EDRF1: variants seen among roughly 807,000 people sequenced by gnomAD.
EDRF1 encodes the protein erythroid differentiation regulatory factor 1, also known as erythroid differentiation-related factor 1.
In EDRF1, 69 loss-of-function variants were observed where a neutral mutation model predicts 148.7. That is an observed-to-expected ratio of 0.46 (90% CI 0.38 to 0.57). The LOEUF is 0.57. Ranked by LOEUF, EDRF1 falls within the 20% of genes least tolerant of loss-of-function variation. The pLI, the probability that EDRF1 is intolerant of heterozygous loss-of-function variation, is 0.00. For missense variants in EDRF1, 1,118 were observed against 1,478.7 expected, an observed-to-expected ratio of 0.76 and a Z score of 4.00; for synonymous variants, 515 against 532.8, an observed-to-expected ratio of 0.97 and a Z score of 0.46.
intron 3 of EDRF1, 73 bp downstream of exon 3, chr10:125,723,207 T>C (rs1380485764): frequency 3.1e-6 from 4 of 1,304,706 alleles, no homozygotes; most frequent in Non-Finnish European, 4.5e-6. Context: ...TGCTGTGTTT[T>C]GCATAATATA....
At chr10:125,740,952 A>AT in intron 16 of EDRF1, 49 bp from the exon 17 acceptor site, 1 of 1,568,610 alleles carries the variant, frequency 6.4e-7, no homozygotes, top group Non-Finnish European at 8.8e-7. Flanking sequence ...ATGATCATTA[A>AT]TTTTTTTCTG....
rs2133673892 is a variant in EDRF1 at position 125,725,749 on chromosome 10, G to A, written c.703G>A (p.Asp235Asn). 2 of 1,614,120 alleles carry A rather than the reference G, an allele frequency of 1.2e-6. No homozygotes were observed. The highest frequency in any genetic ancestry group is 2.2e-5 in the South Asian group (2 of 91,068). Residue 235 changes from aspartate to asparagine, a missense_variant, in exon 6 of 25, where the codon GAT becomes AAT. Asp to Asn is a conservative substitution (Grantham distance 23). Transcript: ENST00000356792. ...TAEQQESSSS[D>N]QTNDSEGASW... ...AGAACAGCAGGAATCGTCCAGTTCAGATCAGACAAATGATTCGGAAGGGGC... is the reference window on the plus strand; with the variant it reads ...AGAACAGCAGGAATCGTCCAGTTCAAATCAGACAAATGATTCGGAAGGGGC...
intron 22 of EDRF1, among the ~76,000 whole-genome samples, chr10:125,750,896 A>G (rs931136360): frequency 2.0e-5 from 3 of 152,170 alleles, no homozygotes; most frequent in African/African-American, 7.2e-5. Context: ...ATATTCTGCC[A>G]TGTTTGAATT....
intron 23 of EDRF1, 109 bp from the exon 24 acceptor site, chr10:125,753,585 T>TAGGGTTAAA: frequency 2.5e-6 from 3 of 1,221,666 alleles, no homozygotes; most frequent in Non-Finnish European, 3.6e-6. Context: ...TTGTCTTGTT[T>TAGGGTTAAA]AGGGTTAAAA....
At chr10:125,729,185 A>G in intron 7 of EDRF1, 81 bp downstream of exon 7, 2 of 1,475,224 alleles carry the variant, frequency 1.4e-6, no homozygotes, top group Non-Finnish European at 1.8e-6. Context: ...GTCGAAATTG[A>G]TAGGGAAAAA....
Position 125,763,596 on chromosome 10 carries a change from AAC to A in EDRF1, c.*128_*129del, listed in dbSNP as rs139414986. 2.6e-4 allele frequency: 294 copies of A among 1,120,124 alleles called. 2 individuals are homozygous for A. Among genetic ancestry groups the A allele is most frequent in the Middle Eastern group, 5.7e-4 (2 of 3,512 alleles). The allele number at this position is 1,120,124 out of a possible 1,614,324, so 69.4% of individuals were successfully genotyped here. A position where few individuals can be genotyped will look rare whatever the true frequency, so the allele number is the denominator to read the frequency against. On this transcript the variant is annotated 3_prime_UTR_variant, in exon 25 of 25. Coordinates refer to ENST00000356792, the MANE Select transcript of EDRF1 (RefSeq NM_001202438.2). The surrounding 1 kb of genome is among the most constrained non-coding windows in gnomAD (Gnocchi z 4.3). ...CATTTAAAACAGGTATATCAGTGGA[AAC>A]ACAGAGTTATTTTAAGTGACAGACA...
At position 125,734,179 on chromosome 10, in the gene EDRF1, C is replaced by G. The variant is rs372103998; in HGVS notation, c.1493C>G (p.Pro498Arg). The G allele has an allele frequency of 1.9e-6, 3 of 1,597,790 alleles. No individual in the cohort carries two copies. The highest frequency in any genetic ancestry group is 2.6e-6 in the Non-Finnish European group (3 of 1,165,452). Residue 498 changes from proline to arginine, a missense_variant, in exon 12 of 25, where the codon CCT becomes CGT. Transcript: ENST00000356792. ...AAATTACTGGACAAAAGTAGGCATCCTCAAGTAAGATTAACATTTATGTAT... is the reference window on the plus strand; with the variant it reads ...AAATTACTGGACAAAAGTAGGCATCGTCAAGTAAGATTAACATTTATGTAT... The part of the protein sequence containing the change: ...CLKLLDKSRH[P>R]QIIASANYML...
chr10:125,722,101 A>G (rs1188202847), intron 2 of EDRF1, among the ~76,000 whole-genome samples: 2 of 152,254 alleles, frequency 1.3e-5, no homozygotes, highest in Non-Finnish European at 1.5e-5. Context: ...CTCAGAAAAT[A>G]AAAGTTATAT....
At chr10:125,735,347 C>G (rs934162113) in intron 12 of EDRF1, among the ~76,000 whole-genome samples, 4 of 152,226 alleles carry the variant, frequency 2.6e-5, no homozygotes, top group South Asian at 4.1e-4. Flanking sequence ...AGTTATGACA[C>G]TCTGTACTCA....
At chr10:125,726,987 A>G (rs1848283649) in intron 6 of EDRF1, among the ~76,000 whole-genome samples, 1 of 152,208 alleles carries the variant, frequency 6.6e-6, no homozygotes, top group Non-Finnish European at 1.5e-5. Context: ...TGAGGAAGCA[A>G]GCTGGCATTT....
intron 21 of EDRF1, chr10:125,748,849 T>C: frequency 5.8e-6 from 1 of 171,932 alleles, no homozygotes; most frequent in South Asian, 1.4e-4. Context: ...CACCATTTGC[T>C]GAAAAGACTA....
chr10:125,757,040 C>T (rs1849933977), intron 24 of EDRF1: 3 of 433,718 alleles, frequency 6.9e-6, no homozygotes, highest in African/African-American at 4.1e-5. Flanking sequence ...CTCAAAACTC[C>T]TGGGTCAAGC....
At chr10:125,722,454 A>T (rs906350693) in intron 2 of EDRF1, among the ~76,000 whole-genome samples, 1 of 152,104 alleles carries the variant, frequency 6.6e-6, no homozygotes, top group African/African-American at 2.4e-5. Flanking sequence ...AAGTGTCCTG[A>T]CTCTGCCATT....
chr10:125,723,666 G>A, intron 3 of EDRF1, 145 bp from the exon 4 acceptor site: 1 of 815,728 alleles, frequency 1.2e-6, no homozygotes, highest in Non-Finnish European at 1.9e-6. Context: ...GTGTTTGCAT[G>A]TAGCTTTTTG....
intron 19 of EDRF1, 71 bp downstream of exon 19, chr10:125,746,001 A>G (rs1849335808): frequency 7.0e-7 from 1 of 1,419,900 alleles, no homozygotes; most frequent in Non-Finnish European, 9.9e-7. Flanking sequence ...TGCCAGTTTC[A>G]CTAAAATACT....
chr10:125,737,154 T>G (rs1381683736), intron 13 of EDRF1, among the ~76,000 whole-genome samples: 2 of 152,172 alleles, frequency 1.3e-5, no homozygotes, highest in Non-Finnish European at 2.9e-5. Context: ...GTTACATGTA[T>G]CTGGAAAACT....
rs1426043510 is a variant in EDRF1, at chr10:125,740,659, A to G, written c.2170+8A>G. 7 of 1,612,068 alleles carry G rather than the reference A, an allele frequency of 4.3e-6. No homozygotes were observed. The highest frequency in any genetic ancestry group is 5.1e-6 in the Non-Finnish European group (6 of 1,179,592). ...TAGCTTTGCAAAGCCATGGTAAGCC[A>G]CTATAAATGAATATGTTTAATAGGC... On this transcript the variant is annotated splice_region_variant and intron_variant, in intron 16 of 24. Coordinates refer to ENST00000356792, the MANE Select transcript of EDRF1 (RefSeq NM_001202438.2).
At position 125,745,834 on chromosome 10, in the gene EDRF1, G is replaced by A. The variant is rs199534470; in HGVS notation, c.2718G>A (p.Thr906=). ...ATGCCGCCCTTTTATTATGTAACAC[G>A]GGAAGGCTCATGCGGATTTGTGCGC... ...ATNAALLLCN[T]GRLMRICAQA... Residue 906 remains threonine, a synonymous_variant, in exon 19 of 25, where the codon ACG becomes ACA. Transcript: ENST00000356792. 5.7e-5 allele frequency: 92 copies of A among 1,614,190 alleles called. No homozygotes were observed. The highest frequency in any genetic ancestry group is 1.6e-4 in the South Asian group (15 of 91,078).
chr10:125,723,124 CT>C lies in EDRF1; in HGVS notation c.375del (p.Asp126ThrfsTer5). ...DSVGNDVDVVSDSENIKKLLK... is the reference protein window; with the variant it reads ...DSVGNDVDVVXDSENIKKLLK... ...GTGGGAAATGATGTGGATGTTGTCT[CT>C]GACTCTGAAGTAAGTGTTATTTGTC... On this transcript the variant is annotated frameshift_variant, in exon 3 of 25. Coordinates refer to ENST00000356792, the MANE Select transcript of EDRF1 (RefSeq NM_001202438.2). LOFTEE classifies it high-confidence loss of function. The C allele has an allele frequency of 6.2e-7, 1 of 1,613,710 alleles. No homozygotes were observed. Among genetic ancestry groups the C allele is most frequent in the South Asian group, 1.1e-5 (1 of 91,066 alleles).
Sources: allele counts gnomAD v4.1 joint callset (sites outside exome capture counted in the v4.1 genomes callset), GRCh38; gene constraint gnomAD v4.1.1; non-coding constraint Gnocchi (gnomAD v3.1); transcripts MANE v1.5; gene names NCBI Gene and HGNC (gene_info 2026-07-23, HGNC 2026-07-21).